The following AAMDC variants were observed in gnomAD, a reference collection of about 807,000 sequenced individuals.
AAMDC encodes adipogenesis associated Mth938 domain containing, also known as mth938 domain-containing protein.
In AAMDC, 16 loss-of-function variants were observed where a neutral mutation model predicts 15.5. That is an observed-to-expected ratio of 1.03 (90% CI 0.70 to 1.57). The LOEUF is 1.57. Among genes scored for constraint, AAMDC ranks in the 40% most tolerant of loss-of-function variants. AAMDC has a pLI of 0.00. For missense variants in AAMDC, 141 were observed against 144.9 expected (o/e 0.97, Z 0.14); for synonymous variants, 51 against 51.6 (o/e 0.99, Z 0.05).
At chr11:77,853,141 T>G (rs1374345353) in intron 2 of AAMDC, among the ~76,000 whole-genome samples, 1 of 152,218 alleles carries the variant, frequency 6.6e-6, no homozygotes, top group East Asian at 1.9e-4. Flanking sequence ...TTGTACCGTA[T>G]TTTAGTATTA....
chr11:77,867,926 G>A (rs992432729), intron 2 of AAMDC, among the ~76,000 whole-genome samples: 1 of 152,204 alleles, frequency 6.6e-6, no homozygotes, highest in Admixed American at 6.5e-5. Flanking sequence ...TATAGAGATT[G>A]TTATGAAATT....
downstream of AAMDC, among the ~76,000 whole-genome samples, chr11:77,904,049 C>A (rs552065810): frequency 1.3e-5 from 2 of 152,324 alleles, no homozygotes; most frequent in African/African-American, 4.8e-5. Flanking sequence ...TAAGCCCCAA[C>A]CACTTTATCA....
At chr11:77,869,850 C>G in intron 3 of AAMDC, 33 bp downstream of exon 3, 1 of 1,594,032 alleles carries the variant, frequency 6.3e-7, no homozygotes. Context: ...TTCCTGAGGA[C>G]AGGTGGGGAT....
chr11:77,859,247 A>G (rs1846686750), intron 2 of AAMDC, among the ~76,000 whole-genome samples: 1 of 152,122 alleles, frequency 6.6e-6, no homozygotes, highest in Non-Finnish European at 1.5e-5. Context: ...GTCCTTCTAT[A>G]AGCATTTCTG....
At chr11:77,869,113 G>A in intron 2 of AAMDC, 1 of 265,272 alleles carries the variant, frequency 3.8e-6, no homozygotes, top group East Asian at 9.2e-5. Context: ...GTACCATGTG[G>A]CCAAAGGAAC....
intron 1 of AAMDC, chr11:77,832,002 C>G (rs976643120): frequency 6.6e-6 from 1 of 151,246 alleles, no homozygotes; most frequent in South Asian, 2.1e-4. Context: ...TGAGCCACCA[C>G]GCCTGGCCAG....
chr11:77,869,026 C>A, intron 2 of AAMDC: 1 of 342,490 alleles, frequency 2.9e-6, no homozygotes, highest in Non-Finnish European at 5.5e-6. Context: ...GCCATGGTAA[C>A]ATTTGTGGGA....
chr11:77,882,640 C>A lies in AAMDC; in HGVS notation c.328+5591C>A, dbSNP rs373732521. Among the ~76,000 whole-genome samples, 99 of 152,334 alleles carry A rather than the reference C, an allele frequency of 6.5e-4. 2 individuals carry two copies. Among genetic ancestry groups the A allele is most frequent in the African/African-American group, 2.4e-3 (98 of 41,570 alleles). On this transcript the variant is annotated intron_variant, in intron 5 of 5. Transcript: ENST00000304716. ...GGAATGAGGAATACTCAGGGAAGCA[C>A]GTCCTGGGTAGCAGAACTGCTGGAT...
At chr11:77,826,513 G>A (rs1214929716) in intron 1 of AAMDC, among the ~76,000 whole-genome samples, 1 of 152,160 alleles carries the variant, frequency 6.6e-6, no homozygotes, top group African/African-American at 2.4e-5. Context: ...ATATTCACTT[G>A]TATGAACCAG....
intron 1 of AAMDC, among the ~76,000 whole-genome samples, chr11:77,830,987 C>CAAAAAAAAAAAAAA (rs59283485): frequency 4.0e-5 from 4 of 100,510 alleles, no homozygotes; most frequent in Non-Finnish European, 6.1e-5. Flanking sequence ...CAAAATATAC[C>CAAAAAAAAAAAAAA]AAAAAAAAAA....
chr11:77,889,098 T>C (rs1215013449), intron 5 of AAMDC, among the ~76,000 whole-genome samples: 1 of 152,142 alleles, frequency 6.6e-6, no homozygotes, highest in African/African-American at 2.4e-5. Flanking sequence ...GGATTATAAA[T>C]CATGCTGCTA....
intron 2 of AAMDC, among the ~76,000 whole-genome samples, chr11:77,865,885 C>T (rs1219390885): frequency 6.6e-6 from 1 of 152,132 alleles, no homozygotes; most frequent in East Asian, 1.9e-4. Context: ...CAATAGACTG[C>T]CAGAGGGGCC....
chr11:77,849,718 A>G (rs560294400), intron 2 of AAMDC, among the ~76,000 whole-genome samples: 8 of 152,142 alleles, frequency 5.3e-5, no homozygotes, highest in Admixed American at 1.3e-4. Flanking sequence ...TTGAAGACCT[A>G]GCTATTCCAT....
chr11:77,885,824 A>AAAAG (rs780499073), intron 5 of AAMDC, among the ~76,000 whole-genome samples: 1 of 151,958 alleles, frequency 6.6e-6, no homozygotes, highest in Non-Finnish European at 1.5e-5. Flanking sequence ...TGTCTCAAAA[A>AAAAG]AAAGAAAGAA....
intron 2 of AAMDC, among the ~76,000 whole-genome samples, chr11:77,867,860 A>G (rs1951189323): frequency 6.6e-6 from 1 of 152,218 alleles, no homozygotes. Flanking sequence ...AAAGCATAAA[A>G]AGAAGTTTCC....
chr11:77,833,006 T>C (rs1374712007), intron 1 of AAMDC, among the ~76,000 whole-genome samples: 13 of 86,806 alleles, frequency 1.5e-4, no homozygotes, highest in African/African-American at 6.2e-4. Context: ...TGTATATATA[T>C]ATATTTTTTT....
intron 1 of AAMDC, among the ~76,000 whole-genome samples, chr11:77,825,818 A>G (rs947756801): frequency 2.6e-5 from 4 of 151,900 alleles, no homozygotes; most frequent in Non-Finnish European, 5.9e-5. Context: ...CAGCCTCCCA[A>G]GTAGCTGGGA....
chr11:77,869,301 T>A (rs960932754), intron 2 of AAMDC: 1 of 159,244 alleles, frequency 6.3e-6, no homozygotes, highest in Non-Finnish European at 1.3e-5. Flanking sequence ...TTCGTTTATT[T>A]ATCTCTTTTT....
exon 6 of AAMDC, chr11:77,900,679 T>C (rs1591032521): frequency 5.8e-6 from 4 of 687,816 alleles, no homozygotes; most frequent in African/African-American, 5.3e-5. Flanking sequence ...CTTTATTTTA[T>C]GAAATAGTAA....
Sources: gnomAD v4.1 joint callset for allele counts (sites outside exome capture counted in the v4.1 genomes callset) on GRCh38, gnomAD v4.1.1 for gene constraint, MANE v1.5 for transcripts, NCBI Gene and HGNC (gene_info 2026-07-23, HGNC 2026-07-21) for gene names.